Variants in PDE8B observed in about 807,000 individuals in gnomAD.
PDE8B encodes high affinity cAMP-specific and IBMX-insensitive 3',5'-cyclic phosphodiesterase 8B.
PDE8B carries 26 observed loss-of-function variants against 101.3 expected under a neutral mutation model. The observed-to-expected ratio is 0.26, with a 90% CI of 0.19 to 0.36. PDE8B has a LOEUF of 0.36. Among genes scored for constraint, PDE8B ranks in the 10% least tolerant of loss-of-function variants. The pLI, the probability that PDE8B is intolerant of heterozygous loss-of-function variation, is 1.00. For synonymous variants in PDE8B, 424 were observed against 429.3 expected, an observed-to-expected ratio of 0.99 and a Z score of 0.15; for missense variants, 810 against 1,163.1, an observed-to-expected ratio of 0.70 and a Z score of 4.42.
chr5:77,426,100 A>C, intron 21 of PDE8B: 1 of 632,214 alleles, frequency 1.6e-6, no homozygotes, highest in Non-Finnish European at 2.8e-6. Flanking sequence ...GACTTGATGG[A>C]TTTTTGATAG....
intron 10 of PDE8B, among the ~76,000 whole-genome samples, chr5:77,366,497 T>C (rs1216803661): frequency 6.6e-6 from 1 of 152,156 alleles, no homozygotes; most frequent in African/African-American, 2.4e-5. Context: ...TGCCAAGTGG[T>C]CCAGGCTCAG....
chr5:77,247,078 G>A (rs974712994), intron 1 of PDE8B, among the ~76,000 whole-genome samples: 1 of 152,142 alleles, frequency 6.6e-6, no homozygotes, highest in Non-Finnish European at 1.5e-5. Flanking sequence ...GTTAATTAAG[G>A]TTCATTGTTG....
At chr5:77,308,741 A>G (rs929921805) in intron 1 of PDE8B, among the ~76,000 whole-genome samples, 2 of 152,182 alleles carry the variant, frequency 1.3e-5, no homozygotes, top group African/African-American at 4.8e-5. Flanking sequence ...GCCTGGCACA[A>G]TGCCTGGGTC....
intron 5 of PDE8B, among the ~76,000 whole-genome samples, chr5:77,336,033 A>G (rs1778122334): frequency 6.6e-6 from 1 of 152,084 alleles, no homozygotes; most frequent in South Asian, 2.1e-4. Flanking sequence ...AAAAGGGCCT[A>G]CTCCTCTTTA....
chr5:77,171,488 T>C, the PDE8B span, among the ~76,000 whole-genome samples: 3 of 152,126 alleles, frequency 2.0e-5, no homozygotes, highest in African/African-American at 7.2e-5. Context: ...ATAGAAAAAT[T>C]TTTAAAATAT....
chr5:77,232,291 TTATTTTCCCAATATA>T (rs1423763256), intron 1 of PDE8B, among the ~76,000 whole-genome samples: 1 of 152,256 alleles, frequency 6.6e-6, no homozygotes, highest in Non-Finnish European at 1.5e-5. Context: ...TACATTCTCC[TTATTTTCCCAATATA>T]TTAGTGCATA....
the PDE8B span, among the ~76,000 whole-genome samples, chr5:77,193,889 CT>C: frequency 6.6e-6 from 1 of 152,068 alleles, no homozygotes; most frequent in Non-Finnish European, 1.5e-5. Flanking sequence ...AAATTTTATG[CT>C]TTTTAATATT....
chr5:77,288,839 C>CTT (rs55906951), intron 1 of PDE8B, among the ~76,000 whole-genome samples: 21 of 128,334 alleles, frequency 1.6e-4, no homozygotes, highest in Non-Finnish European at 2.5e-4. Flanking sequence ...CTGCCCCCAT[C>CTT]TTTTTTTTTT....
chr5:77,308,707 C>G (rs1272472783), intron 1 of PDE8B, among the ~76,000 whole-genome samples: 2 of 152,100 alleles, frequency 1.3e-5, no homozygotes, highest in Non-Finnish European at 2.9e-5. Context: ...GCCTGTCTGC[C>G]CCTAGGATTA....
the PDE8B span, among the ~76,000 whole-genome samples, chr5:77,168,130 A>T: frequency 6.6e-6 from 1 of 152,222 alleles, no homozygotes; most frequent in Non-Finnish European, 1.5e-5. Flanking sequence ...CCTGGAAAAT[A>T]TTTTAAATTT....
intron 10 of PDE8B, among the ~76,000 whole-genome samples, chr5:77,397,843 C>T (rs1205531186): frequency 6.6e-6 from 1 of 152,222 alleles, no homozygotes; most frequent in East Asian, 1.9e-4. Flanking sequence ...AGCTGTTGCC[C>T]GTGACTGCTA....
the PDE8B span, among the ~76,000 whole-genome samples, chr5:77,125,787 T>A: frequency 6.6e-6 from 1 of 152,164 alleles, no homozygotes; most frequent in Admixed American, 6.5e-5. Flanking sequence ...AAATAGAGGT[T>A]TCCAGGGTCT....
the PDE8B span, chr5:77,119,330 G>A: frequency 6.6e-6 from 1 of 152,148 alleles, no homozygotes; most frequent in African/African-American, 2.4e-5. Flanking sequence ...TTGCCCAGCA[G>A]AAATGAAAAT....
chr5:77,272,599 C>G (rs1234516138), intron 1 of PDE8B, among the ~76,000 whole-genome samples: 1 of 152,210 alleles, frequency 6.6e-6, no homozygotes, highest in Non-Finnish European at 1.5e-5. Context: ...CTCTGAGCTA[C>G]TGCTTGCCAC....
intron 10 of PDE8B, among the ~76,000 whole-genome samples, chr5:77,355,602 T>C (rs542695756): frequency 4.6e-4 from 70 of 152,330 alleles, no homozygotes; most frequent in Non-Finnish European, 6.3e-4. Flanking sequence ...ATGAGCCCTG[T>C]AGCTTTTTGC....
intron 1 of PDE8B, among the ~76,000 whole-genome samples, chr5:77,249,117 A>G (rs1351283): frequency 0.41 from 62,533 of 152,056 alleles, 13,407 homozygotes; most frequent in East Asian, 0.75. Context: ...CCATTTATAT[A>G]ACCAATATCT....
chr5:77,134,343 G>A, the PDE8B span: 1 of 152,250 alleles, frequency 6.6e-6, no homozygotes, highest in Non-Finnish European at 1.5e-5. Context: ...AGTGGAAGCA[G>A]GAGTGGACCC....
intron 10 of PDE8B, among the ~76,000 whole-genome samples, chr5:77,395,206 TC>T (rs1328592218): frequency 6.6e-6 from 1 of 151,566 alleles, no homozygotes; most frequent in African/African-American, 2.4e-5. Context: ...AAGCTCCGCC[TC>T]CCGGGTTCAC....
At chr5:77,382,068 C>G (rs1240767213) in intron 10 of PDE8B, among the ~76,000 whole-genome samples, 2 of 152,130 alleles carry the variant, frequency 1.3e-5, no homozygotes. Context: ...TTTCAGCCAT[C>G]AATCCGTATA....
Sources: allele counts gnomAD v4.1 joint callset (sites outside exome capture counted in the v4.1 genomes callset), GRCh38; gene constraint gnomAD v4.1.1; transcripts MANE v1.5; gene names NCBI Gene and HGNC (gene_info 2026-07-23, HGNC 2026-07-21).